NR5A2: variants seen among roughly 807,000 people sequenced by gnomAD.
The protein encoded by NR5A2 is nuclear receptor subfamily 5 group A member 2.
In NR5A2, 26 loss-of-function variants were observed where a neutral mutation model predicts 62.7. That is an observed-to-expected ratio of 0.41 (90% confidence interval 0.30 to 0.58). The LOEUF (loss-of-function observed/expected upper bound fraction) is 0.58. Ranked by LOEUF, NR5A2 falls within the 20% of genes least tolerant of loss-of-function variation. The pLI is 0.22. For missense variants in NR5A2, 541 were observed against 669.1 expected (o/e 0.81, Z 2.11); for synonymous variants, 246 against 241.7 (o/e 1.02, Z -0.16).
intron 5 of NR5A2, among the ~76,000 whole-genome samples, chr1:200,083,236 ATAATT>A (rs1301166117): frequency 6.6e-6 from 1 of 152,222 alleles, no homozygotes; most frequent in African/African-American, 2.4e-5. Flanking sequence ...AAGAAGAAAA[ATAATT>A]TAAAGAAAAA....
intron 2 of NR5A2, among the ~76,000 whole-genome samples, chr1:200,043,324 T>C (rs576270713): frequency 6.6e-6 from 1 of 152,316 alleles, no homozygotes; most frequent in East Asian, 1.9e-4. Flanking sequence ...GCTGTCCCTG[T>C]AAGCAAGGTG....
At chr1:200,107,775 G>A (rs1463842288) in intron 5 of NR5A2, among the ~76,000 whole-genome samples, 1 of 151,964 alleles carries the variant, frequency 6.6e-6, no homozygotes, top group African/African-American at 2.4e-5. Flanking sequence ...GAGTAGCTGG[G>A]ATTACAGGCG....
At chr1:200,033,452 AT>A (rs3838449) in intron 1 of NR5A2, among the ~76,000 whole-genome samples, 17,268 of 152,022 alleles carry the variant, frequency 0.11, 1,141 homozygotes, top group African/African-American at 0.18. Flanking sequence ...TTGCAGTGAG[AT>A]ATGCTAGTCC....
rs144750089 is a variant in NR5A2 at position 200,132,209 on chromosome 1, C to T, written c.1378+11254C>T. On this transcript the variant is annotated intron_variant, in intron 7 of 7. Coordinates refer to ENST00000367362, the MANE Select transcript of NR5A2 (RefSeq NM_205860.3). ...ATTTTTAGTAGAGACGGGATTTCAC[C>T]ATGTTGGCCAGGCTGGTCTCAAACT... Among the ~76,000 whole-genome samples, 720 of 152,250 alleles carry T rather than the reference C, an allele frequency of 4.7e-3. 13 individuals carry two copies. Among genetic ancestry groups the T allele is most frequent in the African/African-American group, 0.016 (673 of 41,556 alleles).
intron 7 of NR5A2, among the ~76,000 whole-genome samples, chr1:200,126,369 G>C (rs970107128): frequency 2.6e-5 from 4 of 152,030 alleles, no homozygotes; most frequent in Non-Finnish European, 2.9e-5. Flanking sequence ...GTGAAGCAAA[G>C]TTCTTTTATC....
At chr1:200,155,742 T>C (rs957802422) in intron 7 of NR5A2, among the ~76,000 whole-genome samples, 3 of 152,022 alleles carry the variant, frequency 2.0e-5, no homozygotes, top group Non-Finnish European at 2.9e-5. Context: ...GGTGCGATCT[T>C]GGCTCACTGC....
chr1:200,052,234 C>A (rs539980252), intron 5 of NR5A2, among the ~76,000 whole-genome samples: 1 of 152,308 alleles, frequency 6.6e-6, no homozygotes, highest in Non-Finnish European at 1.5e-5. Flanking sequence ...TTCCTCCTGG[C>A]GTGGCCTATA....
intron 5 of NR5A2, among the ~76,000 whole-genome samples, chr1:200,092,661 G>A (rs1664870218): frequency 6.6e-6 from 1 of 150,864 alleles, no homozygotes; most frequent in South Asian, 2.1e-4. Flanking sequence ...GGCCCTTTTG[G>A]TTTCTGGTGT....
chr1:200,044,005 T>C (rs186658633), intron 3 of NR5A2, 113 bp downstream of exon 3: 97 of 663,330 alleles, frequency 1.5e-4, no homozygotes, highest in South Asian at 2.3e-4. Flanking sequence ...CAACTAAAAA[T>C]GAGGGAGAAA....
chr1:200,073,951 A>C lies in NR5A2; in HGVS notation c.1110+25133A>C, dbSNP rs1174708849. On this transcript the variant is annotated intron_variant, in intron 5 of 7. Transcript: ENST00000367362. Reference sequence around the variant, plus strand: ...TAGCTGTTATAAGAACACAGGGCAGAGCTTTTCTGTCTGTGGAGGGGGCAC... The same window carrying C: ...TAGCTGTTATAAGAACACAGGGCAGCGCTTTTCTGTCTGTGGAGGGGGCAC... Among the ~76,000 whole-genome samples, 4 of 152,166 alleles carry C rather than the reference A, an allele frequency of 2.6e-5. No individual in the cohort carries two copies. In the East Asian group the frequency reaches 7.7e-4, roughly 29 times the overall value.
At chr1:200,066,779 G>A (rs1257476394) in intron 5 of NR5A2, among the ~76,000 whole-genome samples, 4 of 151,994 alleles carry the variant, frequency 2.6e-5, no homozygotes, top group Non-Finnish European at 5.9e-5. Flanking sequence ...GTAGAGACAG[G>A]GTTTCACCAT....
In NR5A2 at chr1:200,174,369, C is replaced by A; in HGVS notation, c.*159C>A. ...ATTGAATTTAAAAAGGCATAATAAT[C>A]AAATACTTAATAGCAAATAAATGAT... On this transcript the variant is annotated 3_prime_UTR_variant, in exon 8 of 8. Coordinates refer to ENST00000367362, the MANE Select transcript of NR5A2 (RefSeq NM_205860.3). 1 of 669,710 alleles carries A rather than the reference C, an allele frequency of 1.5e-6. No individual in the cohort carries two copies. The highest frequency in any genetic ancestry group is 2.2e-6 in the Non-Finnish European group (1 of 453,688). The allele number at this position is 669,710 out of a possible 1,614,324, so 41.5% of individuals were successfully genotyped here.
At chr1:200,134,627 C>A (rs1018946381) in intron 7 of NR5A2, among the ~76,000 whole-genome samples, 3 of 152,324 alleles carry the variant, frequency 2.0e-5, no homozygotes, top group South Asian at 4.1e-4. Flanking sequence ...TTAAGCAACA[C>A]ATGACTGTGT....
Position 200,147,632 on chromosome 1 carries a change from C to T in NR5A2, c.1379-26331C>T, listed in dbSNP as rs1667769534. 4.2e-6 allele frequency: 3 copies of T among 710,964 alleles called. No individual in the cohort carries two copies. The highest frequency in any genetic ancestry group is 1.8e-5 in the African/African-American group (1 of 56,612). The allele number at this position is 710,964 out of a possible 1,614,324, so 44.0% of individuals were successfully genotyped here. On this transcript the variant is annotated intron_variant, in intron 7 of 7. Transcript: ENST00000367362. The surrounding 1 kb of genome is among the most constrained non-coding windows in gnomAD (Gnocchi z 4.9). ...TCGCACAGGCAGCGCCGCAGCTTGC[C>T]CTGGATCTTGTCGATTGAGTTGAAG... is the stretch of plus-strand genomic sequence containing the variant.
chr1:200,079,608 T>A (rs1292967127), intron 5 of NR5A2, among the ~76,000 whole-genome samples: 1 of 152,214 alleles, frequency 6.6e-6, no homozygotes, highest in Non-Finnish European at 1.5e-5. Context: ...GTTCCTGCAT[T>A]TGTCTGCTGA....
intron 5 of NR5A2, among the ~76,000 whole-genome samples, chr1:200,049,299 A>G (rs1662523901): frequency 6.6e-6 from 1 of 152,228 alleles, no homozygotes; most frequent in Admixed American, 6.5e-5. Flanking sequence ...ACTGGTTAGT[A>G]GTATCAAGTA....
At chr1:200,083,097 A>T (rs1365462418) in intron 5 of NR5A2, among the ~76,000 whole-genome samples, 1 of 152,314 alleles carries the variant, frequency 6.6e-6, no homozygotes, top group African/African-American at 2.4e-5. Context: ...TCTAATAGTA[A>T]GGTTAAGCAA....
chr1:200,048,576 A>T lies in NR5A2; in HGVS notation c.868A>T (p.Met290Leu). The T allele has an allele frequency of 6.2e-7, 1 of 1,614,178 alleles. No individual in the cohort carries two copies. The highest frequency in any genetic ancestry group is 8.5e-7 in the Non-Finnish European group (1 of 1,180,032). Reference protein sequence around the residue: ...SPESIMGYSYMDSYQTSSPAS... With the variant: ...SPESIMGYSYLDSYQTSSPAS... ...CGAGTCCATAATGGGCTATTCATATATGGATAGTTACCAGACGAGCTCTCC... is the reference window on the plus strand; with the variant it reads ...CGAGTCCATAATGGGCTATTCATATTTGGATAGTTACCAGACGAGCTCTCC... Residue 290 changes from methionine to leucine, a missense_variant, in exon 5 of 8, where the codon ATG becomes TTG. By Grantham distance (15) the Met-to-Leu change is conservative. Coordinates refer to ENST00000367362, the MANE Select transcript of NR5A2 (RefSeq NM_205860.3). This position sits in a 1 kb window ranked among gnomAD's most constrained non-coding sequence, Gnocchi z 4.8.
chr1:200,098,518 A>T (rs1455774082), intron 5 of NR5A2, among the ~76,000 whole-genome samples: 1 of 152,230 alleles, frequency 6.6e-6, no homozygotes, highest in Non-Finnish European at 1.5e-5. Context: ...CTCTTATATG[A>T]AAGAGGCATA....
Sources: gnomAD v4.1 joint callset for allele counts (sites outside exome capture counted in the v4.1 genomes callset) on GRCh38, gnomAD v4.1.1 for gene constraint, Gnocchi (gnomAD v3.1) non-coding constraint, MANE v1.5 for transcripts, NCBI Gene and HGNC (gene_info 2026-07-23, HGNC 2026-07-21) for gene names.